The following RFX3 variants were observed in gnomAD, a reference collection of about 807,000 sequenced individuals.
RFX3 encodes the protein transcription factor RFX3.
RFX3 carries 14 observed loss-of-function variants against 98.6 expected under a neutral mutation model. The ratio of observed to expected loss-of-function variants is 0.14; its 90% confidence interval spans 0.09 to 0.22. The LOEUF is 0.22. Among genes scored for constraint, RFX3 ranks in the 10% least tolerant of loss-of-function variants. The pLI is 1.00. For synonymous variants in RFX3, 383 were observed against 328.4 expected, an observed-to-expected ratio of 1.17 and a Z score of -1.80; for missense variants, 639 against 926.9, an observed-to-expected ratio of 0.69 and a Z score of 4.03.
At chr9:3,279,046 G>A (rs987711504) in intron 7 of RFX3, among the ~76,000 whole-genome samples, 1 of 151,780 alleles carries the variant, frequency 6.6e-6, no homozygotes, top group Non-Finnish European at 1.5e-5. Context: ...TGTGCTAGAT[G>A]CCTTGTTTAT....
intron 4 of RFX3, among the ~76,000 whole-genome samples, chr9:3,315,187 G>C (rs989930278): frequency 2.0e-5 from 3 of 152,092 alleles, no homozygotes; most frequent in Non-Finnish European, 4.4e-5. Context: ...TCAGACCACA[G>C]TGCAATCAAA....
chr9:3,257,983 T>C (rs530882130), intron 13 of RFX3, among the ~76,000 whole-genome samples: 118 of 152,304 alleles, frequency 7.7e-4, no homozygotes, highest in Non-Finnish European at 1.4e-3. Flanking sequence ...CCATAAGTAC[T>C]GTGATGTTTC....
chr9:3,488,878 G>C (rs770197962), intron 1 of RFX3: 91 of 984,836 alleles, frequency 9.2e-5, no homozygotes, highest in Non-Finnish European at 1.0e-4. Flanking sequence ...AAAGAAACTA[G>C]AGTATCCTCC....
chr9:3,441,897 G>A (rs996523010), intron 1 of RFX3, among the ~76,000 whole-genome samples: 1 of 152,068 alleles, frequency 6.6e-6, no homozygotes, highest in East Asian at 1.9e-4. Flanking sequence ...TATAGAAAGA[G>A]TGAAAAGAAT....
chr9:3,420,696 C>T, intron 1 of RFX3: 3 of 757,508 alleles, frequency 4.0e-6, no homozygotes, highest in Non-Finnish European at 4.8e-6. Context: ...AGGCAGGTTC[C>T]ACAGCAAAGT....
chr9:3,243,576 A>C (rs1820241949), intron 15 of RFX3, among the ~76,000 whole-genome samples: 1 of 152,224 alleles, frequency 6.6e-6, no homozygotes, highest in Non-Finnish European at 1.5e-5. Flanking sequence ...TTTATATGTA[A>C]AACGGGTTGT....
Position 3,395,573 on chromosome 9 carries a change from T to C in RFX3, c.16A>G (p.Thr6Ala). MQTSE[T>A]GSDTGSTVTL... is the part of the protein sequence containing the mutation. The stretch of plus-strand genomic sequence containing the variant: ...ACTGTCGAGCCTGTGTCCGACCCAG[T>C]CTCTGATGTCTGCATGATGGTCTCT... The change falls in exon 2 of 17, where the codon ACT becomes GCT. Residue 6 changes from threonine (T) to alanine (A), a missense_variant. Around this residue, in one of 9 missense-constraint regions of RFX3, gnomAD observed 210 missense variants for 197.7 expected, o/e 1.06. Coordinates refer to ENST00000617270, the MANE Select transcript of RFX3 (RefSeq NM_001282116.2). 1 of 1,614,122 alleles carries C rather than the reference T, an allele frequency of 6.2e-7. No homozygotes were observed.
At chr9:3,455,026 C>G (rs530900680) in intron 1 of RFX3, among the ~76,000 whole-genome samples, 1 of 152,092 alleles carries the variant, frequency 6.6e-6, no homozygotes, top group African/African-American at 2.4e-5. Flanking sequence ...CACAATGCCC[C>G]CTCATCCACC....
chr9:3,339,946 T>C (rs1421277719), intron 3 of RFX3, among the ~76,000 whole-genome samples: 1 of 152,100 alleles, frequency 6.6e-6, no homozygotes, highest in Non-Finnish European at 1.5e-5. Context: ...CATTGGCAAG[T>C]CAATCCTAAG....
At chr9:3,235,801 T>C (rs1819070850) in intron 15 of RFX3, among the ~76,000 whole-genome samples, 1 of 152,138 alleles carries the variant, frequency 6.6e-6, no homozygotes, top group Non-Finnish European at 1.5e-5. Flanking sequence ...GTTACTCTTG[T>C]AACTACATTG....
At chr9:3,525,160 G>A (rs900417368) in intron 1 of RFX3, among the ~76,000 whole-genome samples, 1 of 151,972 alleles carries the variant, frequency 6.6e-6, no homozygotes, top group Admixed American at 6.5e-5. Flanking sequence ...TGAAGGGAAT[G>A]GGCGGTGGGA....
chr9:3,336,964 T>C (rs1833260755), intron 3 of RFX3, among the ~76,000 whole-genome samples: 2 of 152,214 alleles, frequency 1.3e-5, no homozygotes, highest in African/African-American at 2.4e-5. Context: ...GAGTATGAAA[T>C]GTACGCCTAA....
At chr9:3,461,148 T>G (rs1397546498) in intron 1 of RFX3, among the ~76,000 whole-genome samples, 4 of 151,438 alleles carry the variant, frequency 2.6e-5, no homozygotes, top group Non-Finnish European at 4.4e-5. Context: ...ATGTAGCAAA[T>G]GTTTATAAAG....
At chr9:3,329,420 A>AAC (rs1832321932) in intron 4 of RFX3, among the ~76,000 whole-genome samples, 1 of 149,980 alleles carries the variant, frequency 6.7e-6, no homozygotes, top group African/African-American at 2.5e-5. Context: ...AAAAAAAAAA[A>AAC]AAAAAAAACA....
chr9:3,489,459 A>G (rs1850561442), intron 1 of RFX3: 1 of 981,796 alleles, frequency 1.0e-6, no homozygotes, highest in Non-Finnish European at 1.2e-6. Flanking sequence ...ATCTTCCTAC[A>G]TAACAAAACT....
chr9:3,235,787 T>C (rs1819066650), intron 15 of RFX3, among the ~76,000 whole-genome samples: 1 of 152,162 alleles, frequency 6.6e-6, no homozygotes, highest in Non-Finnish European at 1.5e-5. Flanking sequence ...ATACTAACAA[T>C]GTAGTTACTC....
intron 1 of RFX3, among the ~76,000 whole-genome samples, chr9:3,510,979 G>GT (rs142606144): frequency 0.011 from 1,748 of 152,018 alleles, 27 homozygotes; most frequent in South Asian, 0.031. Flanking sequence ...TTTAATTAGT[G>GT]TATCACTTTG....
At chr9:3,435,148 G>T (rs1380417046) in intron 1 of RFX3, among the ~76,000 whole-genome samples, 1 of 151,864 alleles carries the variant, frequency 6.6e-6, no homozygotes, top group Admixed American at 6.6e-5. Context: ...AGACATTACT[G>T]TACACTACTA....
chr9:3,477,706 T>A (rs1849393220), intron 1 of RFX3, among the ~76,000 whole-genome samples: 1 of 152,170 alleles, frequency 6.6e-6, no homozygotes, highest in South Asian at 2.1e-4. Context: ...TTTCAGCAAG[T>A]TTGGAAAGTT....
Sources: gnomAD v4.1 joint callset for allele counts (sites outside exome capture counted in the v4.1 genomes callset) on GRCh38, gnomAD v4.1.1 for gene constraint, gnomAD v4.1.1 regional missense constraint, MANE v1.5 for transcripts, NCBI Gene and HGNC (gene_info 2026-07-23, HGNC 2026-07-21) for gene names.